The following NRXN2 variants were observed in gnomAD, a reference collection of about 807,000 sequenced individuals.
NRXN2 encodes neurexin-2-beta.
NRXN2 carries 29 observed loss-of-function variants against 128.8 expected under a neutral mutation model. The ratio of observed to expected loss-of-function variants is 0.23; its 90% CI spans 0.17 to 0.31. NRXN2 has a LOEUF of 0.31. NRXN2 is among the 10% of genes least tolerant of loss of function. The pLI, the probability that NRXN2 is intolerant of heterozygous loss-of-function variation, is 1.00. For missense variants in NRXN2, 1,881 were observed against 2,452.6 expected (o/e 0.77, Z 4.92); for synonymous variants, 1,098 against 1,075.2 (o/e 1.02, Z -0.41).
chr11:64,648,381 C>T lies in NRXN2; in HGVS notation c.3284-43G>A, dbSNP rs1217573236. 3.1e-6 allele frequency: 5 copies of T among 1,613,464 alleles called. No homozygotes were observed. Among genetic ancestry groups the T allele is most frequent in the Non-Finnish European group, 3.4e-6 (4 of 1,179,838 alleles). On this transcript the variant is annotated intron_variant, in intron 16 of 22. Coordinates refer to ENST00000265459, the MANE Select transcript of NRXN2 (RefSeq NM_015080.4). The surrounding 1 kb of genome is among the most constrained non-coding windows in gnomAD (Gnocchi z 4.1). ...AAGGAACACCCCTGGCTCAGCCAAGCCCCCTCTTTCCCCAGGAGGTGTGGA... is the reference window on the plus strand; with the variant it reads ...AAGGAACACCCCTGGCTCAGCCAAGTCCCCTCTTTCCCCAGGAGGTGTGGA...
chr11:64,623,032 C>G lies in NRXN2; in HGVS notation c.3894G>C (p.Gly1298=). ...IFNSQAAIKI[G]GRDQGRPFQG... is the part of the protein sequence containing the mutation. Reference sequence around the variant, plus strand: ...GGAAGGGGCGGCCCTGATCCCGGCCCCCGATCTTGATGGCAGCCTGGCTGT... The same window carrying G: ...GGAAGGGGCGGCCCTGATCCCGGCCGCCGATCTTGATGGCAGCCTGGCTGT... Residue 1298 remains glycine (G), a synonymous_variant, in exon 21 of 23, where the codon GGG becomes GGC. Coordinates refer to ENST00000265459, the MANE Select transcript of NRXN2 (RefSeq NM_015080.4). The surrounding 1 kb of genome is among the most constrained non-coding windows in gnomAD (Gnocchi z 4.9). 4 of 1,610,696 alleles carry G rather than the reference C, an allele frequency of 2.5e-6. No individual in the cohort carries two copies. The highest frequency in any genetic ancestry group is 2.5e-6 in the Non-Finnish European group (3 of 1,178,718).
chr11:64,697,920 G>C (rs1421097554), intron 2 of NRXN2, 128 bp from the exon 3 acceptor site: 9 of 1,068,914 alleles, frequency 8.4e-6, no homozygotes, highest in Non-Finnish European at 1.3e-5. Context: ...GCCCTGACAT[G>C]AGTCACCCAA....
chr11:64,653,753 AG>A lies in NRXN2; in HGVS notation c.2390-32del, dbSNP rs542259135. The A allele has an allele frequency of 5.4e-5, 82 of 1,508,260 alleles. No homozygotes were observed. In the African/African-American group the frequency reaches 1.0e-3, roughly 19 times the overall value. 93.4% of individuals were successfully genotyped at this position (1,508,260 alleles called of 1,614,324 possible). ...GGGGCCATGGGGCGGGCAGAGGGGA[AG>A]GGGAGACAAAAAGGTAAAACAAGTT... On this transcript the variant is annotated intron_variant, in intron 11 of 22. Transcript: ENST00000265459.
chr11:64,607,896 T>A lies in NRXN2; in HGVS notation c.4439A>T (p.Glu1480Val), dbSNP rs780202209. ...CTCCTCGCAGTCGCTGTCGTCCCGC[T>A]CGGCCTGGCACGGGCCCCCAGAGGG... The part of the protein sequence containing the change: ...RPPSGGPCQA[E>V]RDDSDCEEPI... Residue 1480 changes from glutamate to valine, a missense_variant, in exon 23 of 23, where the codon GAG becomes GTG. Transcript: ENST00000265459. 3.8e-6 allele frequency: 6 copies of A among 1,571,206 alleles called. No individual in the cohort carries two copies. The East Asian group carries it at 1.2e-4, about 31-fold the overall frequency.
At chr11:64,689,925 G>C (rs1273078834) in intron 5 of NRXN2, among the ~76,000 whole-genome samples, 4 of 152,228 alleles carry the variant, frequency 2.6e-5, no homozygotes, top group African/African-American at 9.6e-5. Flanking sequence ...TTAGGAAAGA[G>C]ATTGTCTTAA....
At chr11:64,654,001 G>T (rs1019578518) in intron 11 of NRXN2, among the ~76,000 whole-genome samples, 1 of 152,184 alleles carries the variant, frequency 6.6e-6, no homozygotes, top group African/African-American at 2.4e-5. Context: ...GAGGGTACCA[G>T]GCCTCTAGTG....
chr11:64,617,492 T>C (rs1376100152), intron 22 of NRXN2, among the ~76,000 whole-genome samples: 1 of 152,128 alleles, frequency 6.6e-6, no homozygotes, highest in South Asian at 2.1e-4. Flanking sequence ...AAAATAACCG[T>C]GTAGATGATG....
intron 17 of NRXN2, among the ~76,000 whole-genome samples, chr11:64,636,577 C>A (rs571958847): frequency 6.6e-6 from 1 of 152,226 alleles, no homozygotes; most frequent in East Asian, 1.9e-4. Flanking sequence ...AAATAATTAG[C>A]CACTAATGAC....
At chr11:64,699,996 A>C (rs745522169) in intron 2 of NRXN2, among the ~76,000 whole-genome samples, 28 of 152,320 alleles carry the variant, frequency 1.8e-4, no homozygotes, top group Admixed American at 8.5e-4. Flanking sequence ...TGAAACAACC[A>C]GGCTTGGTTT....
rs67776872 is a variant in NRXN2 at position 64,699,425 on chromosome 11, C to CTTTTTTTTT, written c.731-1642_731-1634dup. 3.4e-3 allele frequency among the ~76,000 whole-genome samples: 309 copies of CTTTTTTTTT among 92,050 alleles called. 4 individuals are homozygous for CTTTTTTTTT. Among genetic ancestry groups the CTTTTTTTTT allele is most frequent in the East Asian group, 4.9e-3 (13 of 2,640 alleles). The allele number at this position is 92,050 out of a possible 152,430, so 60.4% of individuals were successfully genotyped here. A position where few individuals can be genotyped will look rare whatever the true frequency, so the allele number is the denominator to read the frequency against. ...TAAAAGATACATGTCTAATAGTTTTCTTTTTTTTTTTTTTTTTTTTTTGAG... is the reference window on the plus strand; with the variant it reads ...TAAAAGATACATGTCTAATAGTTTTCTTTTTTTTTTTTTTTTTTTTTTTTTTTTTTTGAG... On this transcript the variant is annotated intron_variant, in intron 2 of 22. Transcript: ENST00000265459.
At position 64,692,318 on chromosome 11, in the gene NRXN2, T is replaced by C. The variant is rs375915325; in HGVS notation, c.778+529A>G. Among the ~76,000 whole-genome samples the C allele has an allele frequency of 7.4e-4, 112 of 152,212 alleles. 4 individuals are homozygous for C. In the South Asian group the frequency reaches 0.014, roughly 19 times the overall value. On this transcript the variant is annotated intron_variant, in intron 4 of 22. Transcript: ENST00000265459. The stretch of plus-strand genomic sequence containing the variant: ...AAACGGAGAGACCCTACACCTCTAC[T>C]CCCATTTCCCTTCTCGTCATGGATG...
At chr11:64,628,637 C>T (rs1431040200) in intron 19 of NRXN2, among the ~76,000 whole-genome samples, 1 of 152,198 alleles carries the variant, frequency 6.6e-6, no homozygotes, top group African/African-American at 2.4e-5. Context: ...CATGGTGAGG[C>T]CTTCATGCTT....
chr11:64,629,363 G>A (rs570289713), intron 19 of NRXN2, among the ~76,000 whole-genome samples: 7 of 152,118 alleles, frequency 4.6e-5, no homozygotes, highest in Middle Eastern at 3.4e-3. Context: ...GCTCTCCTCC[G>A]TTCCCTCCCA....
chr11:64,709,908 C>CTTT (rs530817393), intron 2 of NRXN2, among the ~76,000 whole-genome samples: 14 of 139,886 alleles, frequency 1.0e-4, no homozygotes, highest in Middle Eastern at 3.8e-3. Context: ...TTTCTTCTTC[C>CTTT]TTTTTTTTTT....
At chr11:64,701,969 C>G (rs1220557737) in intron 2 of NRXN2, among the ~76,000 whole-genome samples, 3 of 137,104 alleles carry the variant, frequency 2.2e-5, no homozygotes, top group African/African-American at 8.4e-5. Context: ...GTCAGCCCCC[C>G]GCCCGGCCAG....
chr11:64,716,771 C>T (rs2057315195), intron 1 of NRXN2, among the ~76,000 whole-genome samples: 1 of 152,152 alleles, frequency 6.6e-6, no homozygotes, highest in Non-Finnish European at 1.5e-5. Context: ...GAAGCCCCAG[C>T]ACTCCCTGAG....
intron 2 of NRXN2, among the ~76,000 whole-genome samples, chr11:64,710,671 G>C (rs1462791677): frequency 1.3e-5 from 2 of 152,138 alleles, no homozygotes; most frequent in Non-Finnish European, 2.9e-5. Context: ...AGGAACCAGA[G>C]GATCAAATTA....
chr11:64,687,260 G>A (rs1220894417), intron 5 of NRXN2, among the ~76,000 whole-genome samples: 1 of 152,252 alleles, frequency 6.6e-6, no homozygotes. Context: ...GCCTTCCCCT[G>A]GTGGAGGCAG....
In NRXN2 at chr11:64,698,909, G is replaced by T. The variant is rs1027030634; in HGVS notation, c.731-1117C>A. 2.6e-5 allele frequency among the ~76,000 whole-genome samples: 4 copies of T among 152,176 alleles called. 1 individual carries two copies. Among genetic ancestry groups the T allele is most frequent in the Non-Finnish European group, 5.9e-5 (4 of 68,038 alleles). On this transcript the variant is annotated intron_variant, in intron 2 of 22. Transcript: ENST00000265459. The stretch of plus-strand genomic sequence containing the variant: ...TGGGAGCCTTTAGATGAAGCAATAG[G>T]CAGGAGGGGGAAAACAGCACAATCT...
Sources: allele counts gnomAD v4.1 joint callset (sites outside exome capture counted in the v4.1 genomes callset), GRCh38; gene constraint gnomAD v4.1.1; non-coding constraint Gnocchi (gnomAD v3.1); transcripts MANE v1.5; gene names NCBI Gene and HGNC (gene_info 2026-07-23, HGNC 2026-07-21).